Variants in KIRREL3 observed in about 807,000 individuals in gnomAD.
KIRREL3 encodes the protein kirre like nephrin family adhesion molecule 3, also known as kin of IRRE-like protein 3.
KIRREL3 carries 36 observed loss-of-function variants against 89.7 expected under a neutral mutation model. That is an observed-to-expected ratio of 0.40 (90% CI 0.31 to 0.53). The LOEUF is 0.53. Among genes scored for constraint, KIRREL3 ranks in the 20% least tolerant of loss-of-function variants. The pLI, the probability that KIRREL3 is intolerant of heterozygous loss-of-function variation, is 0.49. For synonymous variants in KIRREL3, 445 were observed against 441.4 expected (o/e 1.01, Z -0.10); for missense variants, 864 against 1,056.6 (o/e 0.82, Z 2.53).
intron 2 of KIRREL3, among the ~76,000 whole-genome samples, chr11:126,543,553 G>A (rs191241336): frequency 6.6e-5 from 10 of 152,232 alleles, no homozygotes; most frequent in Non-Finnish European, 1.2e-4. Flanking sequence ...TCAGCAGAGG[G>A]TGTTTGATCT....
intron 1 of KIRREL3, among the ~76,000 whole-genome samples, chr11:126,901,944 G>A (rs1165057160): frequency 1.3e-5 from 2 of 152,170 alleles, no homozygotes; most frequent in African/African-American, 2.4e-5. Flanking sequence ...AGGTGGCTTC[G>A]GGCACACCCC....
chr11:126,720,985 C>A (rs1345047677), intron 1 of KIRREL3, among the ~76,000 whole-genome samples: 2 of 152,040 alleles, frequency 1.3e-5, no homozygotes, highest in Non-Finnish European at 2.9e-5. Context: ...GAGAGAGAAA[C>A]TGGGATTCCT....
intron 1 of KIRREL3, among the ~76,000 whole-genome samples, chr11:126,665,767 G>C (rs971634688): frequency 6.6e-6 from 1 of 152,254 alleles, no homozygotes; most frequent in Non-Finnish European, 1.5e-5. Context: ...TTCAGCCCCA[G>C]TGGTGAAGAG....
intron 1 of KIRREL3, among the ~76,000 whole-genome samples, chr11:126,619,118 TA>T (rs769900813): frequency 1.4e-4 from 22 of 152,262 alleles, no homozygotes; most frequent in Non-Finnish European, 3.1e-4. Context: ...TGTCTGGCCA[TA>T]GGGATCCCTT....
At chr11:126,725,637 C>T (rs918886269) in intron 1 of KIRREL3, among the ~76,000 whole-genome samples, 1 of 152,212 alleles carries the variant, frequency 6.6e-6, no homozygotes, top group Non-Finnish European at 1.5e-5. Context: ...CCGTCCTTGT[C>T]TGGAGGAGGC....
rs952879287 is a variant in KIRREL3 at position 126,515,209 on chromosome 11, C to T, written c.433+6106G>A. 6.6e-6 allele frequency among the ~76,000 whole-genome samples: 1 copy of T among 152,066 alleles called. No individual in the cohort carries two copies. The highest frequency in any genetic ancestry group is 2.4e-5 in the African/African-American group (1 of 41,394). On this transcript the variant is annotated intron_variant, in intron 4 of 16. Coordinates refer to ENST00000525144, the MANE Select transcript of KIRREL3 (RefSeq NM_032531.4). This position sits in a 1 kb window ranked among gnomAD's most constrained non-coding sequence, Gnocchi z 4.2. The stretch of plus-strand genomic sequence containing the variant: ...GGCTGAGTTGGGTGGATCCCTTGAG[C>T]CCAGAAGTTCAAGACAAGCATTAGC...
Position 126,703,366 on chromosome 11 carries a change from G to T in KIRREL3, c.56-140454C>A, listed in dbSNP as rs935421451. Among the ~76,000 whole-genome samples, 3 of 152,240 alleles carry T rather than the reference G, an allele frequency of 2.0e-5. No homozygotes were observed. The highest frequency in any genetic ancestry group is 2.9e-5 in the Non-Finnish European group (2 of 68,036). Reference sequence around the variant, plus strand: ...ATGGGGCACTGGTGAGCAGCAAACAGAATCATCGTCTTCATCACCATCAGC... The same window carrying T: ...ATGGGGCACTGGTGAGCAGCAAACATAATCATCGTCTTCATCACCATCAGC... On this transcript the variant is annotated intron_variant, in intron 1 of 16. Transcript: ENST00000525144. The surrounding 1 kb of genome is among the most constrained non-coding windows in gnomAD (Gnocchi z 4.6).
At chr11:126,886,701 T>C (rs1945709821) in intron 1 of KIRREL3, among the ~76,000 whole-genome samples, 1 of 152,186 alleles carries the variant, frequency 6.6e-6, no homozygotes, top group Non-Finnish European at 1.5e-5. Flanking sequence ...AGCTCTGCAA[T>C]CAGTTGACAG....
intron 1 of KIRREL3, among the ~76,000 whole-genome samples, chr11:126,966,493 C>T (rs138584227): frequency 2.6e-3 from 397 of 152,242 alleles, no homozygotes; most frequent in Non-Finnish European, 4.2e-3. Flanking sequence ...TCATGGTATC[C>T]TCCTAAACTC....
At chr11:126,674,293 T>G (rs540679213) in intron 1 of KIRREL3, among the ~76,000 whole-genome samples, 32 of 152,362 alleles carry the variant, frequency 2.1e-4, no homozygotes, top group African/African-American at 7.7e-4. Flanking sequence ...GAAGGCATAC[T>G]AGGTGATCTC....
rs968081341 is a variant in KIRREL3 at position 126,609,056 on chromosome 11, G to A, written c.56-46144C>T. ...TGCTAGGAGAATGGAAAACTAACCC[G>A]GAGACAGGGCTAAAGTTACTGCCCA... is the stretch of plus-strand genomic sequence containing the variant. On this transcript the variant is annotated intron_variant, in intron 1 of 16. Transcript: ENST00000525144. The surrounding 1 kb of genome is among the most constrained non-coding windows in gnomAD (Gnocchi z 5.0). Among the ~76,000 whole-genome samples, 2 of 152,148 alleles carry A rather than the reference G, an allele frequency of 1.3e-5. No homozygotes were observed. The highest frequency in any genetic ancestry group is 4.8e-5 in the African/African-American group (2 of 41,424).
chr11:126,457,564 A>T (rs1172986966), intron 6 of KIRREL3, among the ~76,000 whole-genome samples: 2 of 152,012 alleles, frequency 1.3e-5, no homozygotes, highest in Non-Finnish European at 2.9e-5. Flanking sequence ...TGAGGAAGTG[A>T]CAGGGACAGG....
At chr11:126,873,007 A>C (rs1294814263) in intron 1 of KIRREL3, among the ~76,000 whole-genome samples, 1 of 152,344 alleles carries the variant, frequency 6.6e-6, no homozygotes, top group East Asian at 1.9e-4. Flanking sequence ...TCTGGCACAG[A>C]AATTAACAAA....
chr11:126,778,648 T>C lies in KIRREL3; in HGVS notation c.56-215736A>G, dbSNP rs949682915. 1.8e-4 allele frequency among the ~76,000 whole-genome samples: 27 copies of C among 152,210 alleles called. No individual in the cohort carries two copies. Among genetic ancestry groups the C allele is most frequent in the Admixed American group, 1.4e-3 (22 of 15,282 alleles). ...TAGAAGAACACAAAAATGCATATGG[T>C]ACAGCTTTTGAATGGTGTGATCACA... is the stretch of plus-strand genomic sequence containing the variant. On this transcript the variant is annotated intron_variant, in intron 1 of 16. Coordinates refer to ENST00000525144, the MANE Select transcript of KIRREL3 (RefSeq NM_032531.4). This position sits in a 1 kb window ranked among gnomAD's most constrained non-coding sequence, Gnocchi z 4.5.
chr11:126,947,862 C>CTAAA (rs1263488098), intron 1 of KIRREL3, among the ~76,000 whole-genome samples: 2 of 152,170 alleles, frequency 1.3e-5, no homozygotes, highest in Non-Finnish European at 2.9e-5. Flanking sequence ...TGACCTCAGT[C>CTAAA]TAAATAGGTA....
intron 1 of KIRREL3, among the ~76,000 whole-genome samples, chr11:126,960,956 T>C (rs753099565): frequency 4.6e-5 from 7 of 152,206 alleles, no homozygotes; most frequent in Non-Finnish European, 8.8e-5. Flanking sequence ...ATTATGGTGA[T>C]CTGTGATCAG....
chr11:126,786,071 CA>C (rs1314832906), intron 1 of KIRREL3, among the ~76,000 whole-genome samples: 5 of 151,816 alleles, frequency 3.3e-5, no homozygotes, highest in Non-Finnish European at 7.4e-5. Context: ...AGGGTAATAG[CA>C]AAAACAGCCT....
rs968234454 is a variant in KIRREL3, at chr11:126,946,059, G to T, written c.55+54396C>A. The stretch of plus-strand genomic sequence containing the variant: ...CTTAAAATCTCAGAGACTGAGCTGG[G>T]TGTTTTAGAAATTCAGGTAGTCACA... On this transcript the variant is annotated intron_variant, in intron 1 of 16. Coordinates refer to ENST00000525144, the MANE Select transcript of KIRREL3 (RefSeq NM_032531.4). This position sits in a 1 kb window ranked among gnomAD's most constrained non-coding sequence, Gnocchi z 4.1. Among the ~76,000 whole-genome samples the T allele has an allele frequency of 1.3e-5, 2 of 152,144 alleles. No individual in the cohort carries two copies. Among genetic ancestry groups the T allele is most frequent in the Non-Finnish European group, 2.9e-5 (2 of 68,026 alleles).
At position 126,474,572 on chromosome 11, in the gene KIRREL3, C is replaced by T. The variant is rs1365659151; in HGVS notation, c.434-1106G>A. Among the ~76,000 whole-genome samples the T allele has an allele frequency of 6.6e-6, 1 of 152,244 alleles. No individual in the cohort carries two copies. Among genetic ancestry groups the T allele is most frequent in the Non-Finnish European group, 1.5e-5 (1 of 68,046 alleles). The stretch of plus-strand genomic sequence containing the variant: ...CACTCCTCCAGAGCGGCTCCAGCCC[C>T]TTCATCCCCAGAGGCAGCCTGATTC... On this transcript the variant is annotated intron_variant, in intron 4 of 16. Transcript: ENST00000525144. This position sits in a 1 kb window ranked among gnomAD's most constrained non-coding sequence, Gnocchi z 6.7.
Sources: allele counts gnomAD v4.1 joint callset (sites outside exome capture counted in the v4.1 genomes callset), GRCh38; gene constraint gnomAD v4.1.1; non-coding constraint Gnocchi (gnomAD v3.1); transcripts MANE v1.5; gene names NCBI Gene and HGNC (gene_info 2026-07-23, HGNC 2026-07-21).